Variants in CCDC73 observed in about 807,000 individuals in gnomAD.
CCDC73 encodes coiled-coil domain-containing protein 73.
In CCDC73, 95 loss-of-function variants were observed where a neutral mutation model predicts 116.5. That is an observed-to-expected ratio of 0.82 (90% CI 0.69 to 0.97). CCDC73 has a LOEUF of 0.97. Among genes scored for constraint, CCDC73 ranks in the 50% least tolerant of loss-of-function variants. The pLI, the probability that CCDC73 is intolerant of heterozygous loss-of-function variation, is 0.00. For missense variants in CCDC73, 1,066 were observed against 1,206.8 expected, an observed-to-expected ratio of 0.88 and a Z score of 1.73; for synonymous variants, 398 against 401.3, an observed-to-expected ratio of 0.99 and a Z score of 0.10.
rs115700391 is a variant in CCDC73, at chr11:32,618,901, G to T, written c.1186-2772C>A. On this transcript the variant is annotated intron_variant, in intron 14 of 17. Coordinates refer to ENST00000335185, the MANE Select transcript of CCDC73 (RefSeq NM_001008391.4). Reference sequence around the variant, plus strand: ...GACTGGTGTGAGATGTTATCTCTTTGTGGTGTTGATTTGCATTTCTCTGAT... The same window carrying T: ...GACTGGTGTGAGATGTTATCTCTTTTTGGTGTTGATTTGCATTTCTCTGAT... 7.2e-3 allele frequency among the ~76,000 whole-genome samples: 1,088 copies of T among 152,164 alleles called. 17 individuals carry two copies. Among genetic ancestry groups the T allele is most frequent in the African/African-American group, 0.025 (1,049 of 41,528 alleles).
chr11:32,707,413 C>T (rs185909405), intron 3 of CCDC73, among the ~76,000 whole-genome samples: 17 of 150,252 alleles, frequency 1.1e-4, no homozygotes, highest in East Asian at 2.0e-4. Flanking sequence ...ACTATAGATA[C>T]GTGTTGTGCT....
intron 9 of CCDC73, among the ~76,000 whole-genome samples, chr11:32,655,566 A>G (rs1855864251): frequency 6.6e-6 from 1 of 152,228 alleles, no homozygotes; most frequent in African/African-American, 2.4e-5. Flanking sequence ...AGGGAAACAG[A>G]ACTAATAAGA....
intron 2 of CCDC73, among the ~76,000 whole-genome samples, chr11:32,756,810 C>G (rs1241176620): frequency 6.6e-6 from 1 of 151,978 alleles, no homozygotes; most frequent in African/African-American, 2.4e-5. Flanking sequence ...TTTTTGCACT[C>G]TGTTTTAAAT....
chr11:32,671,078 C>G (rs868711542), intron 9 of CCDC73, among the ~76,000 whole-genome samples: 1 of 152,068 alleles, frequency 6.6e-6, no homozygotes, highest in Non-Finnish European at 1.5e-5. Context: ...GTTTTCTAAC[C>G]ATTTTATTCA....
At position 32,700,648 on chromosome 11, in the gene CCDC73, A is replaced by G. The variant is rs1849803784; in HGVS notation, c.315+143T>C. The G allele has an allele frequency of 1.6e-5, 7 of 442,730 alleles. No individual in the cohort carries two copies. The South Asian group carries it at 2.9e-4, about 18-fold the overall frequency. 27.4% of individuals were successfully genotyped at this position (442,730 alleles called of 1,614,324 possible). A position where few individuals can be genotyped will look rare whatever the true frequency, so the allele number is the denominator to read the frequency against. ...TCCTTTCTAAGATTTTAAGCAGTTA[A>G]CCATCTCTATTAGTTTGTTACTAAT... On this transcript the variant is annotated intron_variant, in intron 5 of 17. Transcript: ENST00000335185.
At chr11:32,716,623 G>A (rs932302273) in intron 3 of CCDC73, among the ~76,000 whole-genome samples, 12 of 152,114 alleles carry the variant, frequency 7.9e-5, no homozygotes, top group African/African-American at 1.7e-4. Context: ...GTGCAATGGC[G>A]CAAACATAGC....
At chr11:32,627,752 T>C (rs1191076587) in intron 14 of CCDC73, among the ~76,000 whole-genome samples, 1 of 151,994 alleles carries the variant, frequency 6.6e-6, no homozygotes, top group Admixed American at 6.6e-5. Context: ...TTCTCACTCA[T>C]AGGTGGGAAT....
At chr11:32,627,533 C>T (rs918549089) in intron 14 of CCDC73, among the ~76,000 whole-genome samples, 8 of 152,050 alleles carry the variant, frequency 5.3e-5, no homozygotes, top group South Asian at 2.1e-4. Flanking sequence ...ATGTTTATTG[C>T]GACACTATTT....
chr11:32,830,501 G>A, the CCDC73 span: 1 of 1,477,612 alleles, frequency 6.8e-7, no homozygotes, highest in Non-Finnish European at 9.0e-7. Flanking sequence ...TTTTTTGTTT[G>A]TTTTAGTTTG....
intron 12 of CCDC73, among the ~76,000 whole-genome samples, chr11:32,644,841 GAAC>G (rs1186388961): frequency 6.6e-6 from 1 of 152,030 alleles, no homozygotes; most frequent in Non-Finnish European, 1.5e-5. Context: ...TGGAATCACG[GAAC>G]AACACTGTAT....
chr11:32,791,127 C>T (rs1014310621), intron 1 of CCDC73, among the ~76,000 whole-genome samples: 1 of 152,084 alleles, frequency 6.6e-6, no homozygotes, highest in Non-Finnish European at 1.5e-5. Flanking sequence ...TTTCTTGTTA[C>T]TAACAGAAAA....
At chr11:32,737,726 G>A (rs1178869484) in intron 2 of CCDC73, among the ~76,000 whole-genome samples, 1 of 151,350 alleles carries the variant, frequency 6.6e-6, no homozygotes, top group African/African-American at 2.4e-5. Context: ...ATCTTTAAAT[G>A]TACAACTAAA....
intron 3 of CCDC73, among the ~76,000 whole-genome samples, chr11:32,715,643 G>T (rs1294619095): frequency 6.6e-6 from 1 of 152,140 alleles, no homozygotes; most frequent in African/African-American, 2.4e-5. Flanking sequence ...AGCAAAAGGG[G>T]ACTGAGAACT....
intron 16 of CCDC73, among the ~76,000 whole-genome samples, chr11:32,612,155 G>A (rs1249830289): frequency 6.6e-6 from 1 of 151,976 alleles, no homozygotes; most frequent in African/African-American, 2.4e-5. Flanking sequence ...TTTAAAAGAA[G>A]CCTGTTAAAT....
chr11:32,755,292 T>C (rs1367914425), intron 2 of CCDC73, among the ~76,000 whole-genome samples: 1 of 143,850 alleles, frequency 7.0e-6, no homozygotes, highest in East Asian at 2.1e-4. Flanking sequence ...TCCCAGCACT[T>C]TGGGAGGCTG....
At chr11:32,698,966 T>TA (rs1849785686) in intron 6 of CCDC73, among the ~76,000 whole-genome samples, 1 of 152,160 alleles carries the variant, frequency 6.6e-6, no homozygotes. Flanking sequence ...TCACAATATA[T>TA]ATGCCTTACT....
chr11:32,790,875 A>T (rs1385592544), intron 1 of CCDC73, among the ~76,000 whole-genome samples: 1 of 152,208 alleles, frequency 6.6e-6, no homozygotes, highest in Non-Finnish European at 1.5e-5. Flanking sequence ...GAACAGGTAC[A>T]TAAACACTAA....
Position 32,703,015 on chromosome 11 carries a change from G to C in CCDC73, c.208-71C>G, listed in dbSNP as rs1039300404. On this transcript the variant is annotated intron_variant, in intron 3 of 17. Coordinates refer to ENST00000335185, the MANE Select transcript of CCDC73 (RefSeq NM_001008391.4). ...CTCTTTCAGCTTTAAATCTTAACTA[G>C]GTTCACAATTTAAAGTCAACCATAC... is the stretch of plus-strand genomic sequence containing the variant. 26 of 1,014,950 alleles carry C rather than the reference G, an allele frequency of 2.6e-5. No individual in the cohort carries two copies. In the South Asian group the frequency reaches 2.9e-4, roughly 11 times the overall value. The allele number at this position is 1,014,950 out of a possible 1,614,324, so 62.9% of individuals were successfully genotyped here.
At chr11:32,778,462 T>C (rs1350852740) in intron 1 of CCDC73, among the ~76,000 whole-genome samples, 1 of 152,212 alleles carries the variant, frequency 6.6e-6, no homozygotes, top group Non-Finnish European at 1.5e-5. Flanking sequence ...AGCACTGTAA[T>C]CTGGCCTTAA....
Sources: gnomAD v4.1 joint callset for allele counts (sites outside exome capture counted in the v4.1 genomes callset) on GRCh38, gnomAD v4.1.1 for gene constraint, MANE v1.5 for transcripts, NCBI Gene and HGNC (gene_info 2026-07-23, HGNC 2026-07-21) for gene names.